The following THNSL1 variants were observed in gnomAD, a reference collection of about 807,000 sequenced individuals.
THNSL1 encodes threonine synthase-like 1.
A neutral mutation model predicts 50.4 loss-of-function variants in THNSL1; 48 were observed. The ratio of observed to expected loss-of-function variants is 0.95; its 90% confidence interval spans 0.76 to 1.21. The LOEUF (loss-of-function observed/expected upper bound fraction) is 1.21, where lower values mean the gene tolerates loss of function less well. Ranked by LOEUF, THNSL1 falls within the 50% of genes most tolerant of loss-of-function variation. The pLI is 0.00. For missense variants in THNSL1, 896 were observed against 871.7 expected, an observed-to-expected ratio of 1.03 and a Z score of -0.35; for synonymous variants, 309 against 306.1, an observed-to-expected ratio of 1.01 and a Z score of -0.10.
the THNSL1 span, among the ~76,000 whole-genome samples, chr10:24,958,650 G>C: frequency 1.2e-4 from 18 of 152,246 alleles, no homozygotes; most frequent in Non-Finnish European, 1.8e-4. Context: ...CTCCAGAGTA[G>C]GTCTTACAAA....
chr10:25,008,023 GAT>G, the THNSL1 span, among the ~76,000 whole-genome samples: 1 of 148,814 alleles, frequency 6.7e-6, no homozygotes, highest in Non-Finnish European at 1.5e-5. Context: ...AAATATATGA[GAT>G]ATATAAGCAT....
the THNSL1 span, among the ~76,000 whole-genome samples, chr10:24,986,949 C>G: frequency 2.0e-5 from 3 of 152,110 alleles, no homozygotes; most frequent in African/African-American, 7.2e-5. Context: ...AAAATTCAGA[C>G]AGGGAGAAGT....
chr10:24,972,517 A>T, the THNSL1 span, among the ~76,000 whole-genome samples: 43,015 of 148,924 alleles, frequency 0.29, 7,097 homozygotes, highest in East Asian at 0.48. Flanking sequence ...CAAAAAAAAA[A>T]AAATAAATAA....
chr10:24,984,827 T>A, the THNSL1 span: 2 of 1,613,874 alleles, frequency 1.2e-6, no homozygotes, highest in Non-Finnish European at 1.7e-6. Context: ...TGCTTGCGGA[T>A]CTTCTTTGGT....
upstream of THNSL1, chr10:25,015,853 C>T (rs371675405): frequency 3.5e-5 from 56 of 1,597,618 alleles, no homozygotes; most frequent in Non-Finnish European, 4.4e-5. Flanking sequence ...TTTGCTTATC[C>T]ACATACCTAG....
chr10:24,959,258 G>A, the THNSL1 span, among the ~76,000 whole-genome samples: 1 of 152,234 alleles, frequency 6.6e-6, no homozygotes, highest in South Asian at 2.1e-4. Context: ...GAATGGAGCT[G>A]TTTATTCTCT....
Position 25,024,838 on chromosome 10 carries a change from G to A in THNSL1, c.1615G>A (p.Val539Ile). 6.2e-7 allele frequency: 1 copy of A among 1,614,130 alleles called. No homozygotes were observed. Among genetic ancestry groups the A allele is most frequent in the Non-Finnish European group, 8.5e-7 (1 of 1,180,030 alleles). ...TATCTGTGCCTCTAATCAGAACCAT[G>A]TTTTGACTGATTTTATAAAAACAGG... ...KFICASNQNH[V>I]LTDFIKTGHY... is the part of the protein sequence containing the mutation. Residue 539 changes from valine to isoleucine, a missense_variant, in exon 3 of 3, where the codon GTT (valine) becomes ATT (isoleucine). Physicochemically the swap from Val to Ile is conservative, Grantham distance 29. Coordinates refer to ENST00000376356, the MANE Select transcript of THNSL1 (RefSeq NM_024838.5).
chr10:24,959,725 G>A, the THNSL1 span, among the ~76,000 whole-genome samples: 1 of 151,784 alleles, frequency 6.6e-6, no homozygotes. Flanking sequence ...TGTTTTATAA[G>A]TGTTTTAAAA....
the THNSL1 span, among the ~76,000 whole-genome samples, chr10:25,009,143 T>A: frequency 6.6e-6 from 1 of 152,050 alleles, no homozygotes; most frequent in African/African-American, 2.4e-5. Flanking sequence ...CATTAGGAGA[T>A]ATACCTAACG....
the THNSL1 span, among the ~76,000 whole-genome samples, chr10:24,960,923 C>T: frequency 6.6e-6 from 1 of 152,154 alleles, no homozygotes; most frequent in Non-Finnish European, 1.5e-5. Context: ...CATCTCTTAC[C>T]TACACTCCCT....
At chr10:24,984,250 T>G in the THNSL1 span, 1 of 1,124,994 alleles carries the variant, frequency 8.9e-7, no homozygotes, top group Non-Finnish European at 1.3e-6. Context: ...GGAAAATACA[T>G]CTTTTGCATT....
the THNSL1 span, among the ~76,000 whole-genome samples, chr10:24,973,541 G>A: frequency 3.3e-5 from 5 of 152,128 alleles, no homozygotes; most frequent in African/African-American, 1.2e-4. Flanking sequence ...TGCAGAAACT[G>A]AAACCACAGA....
At chr10:25,018,729 G>A (rs1454067514) in intron 1 of THNSL1, among the ~76,000 whole-genome samples, 1 of 146,052 alleles carries the variant, frequency 6.8e-6, no homozygotes, top group Non-Finnish European at 1.5e-5. Context: ...GTGTAGATGA[G>A]TATATAAGAC....
At position 25,023,191 on chromosome 10, in the gene THNSL1, T is replaced by A; in HGVS notation, c.-33T>A. 6.4e-7 allele frequency: 1 copy of A among 1,570,088 alleles called. No homozygotes were observed. Among genetic ancestry groups the A allele is most frequent in the Admixed American group, 1.9e-5 (1 of 51,862 alleles). On this transcript the variant is annotated 5_prime_UTR_variant, in exon 3 of 3. Transcript: ENST00000376356. ...TTTTGAAAAGGGCTAAAGCCAATTT[T>A]TAGGTTGGCTTGGGCAGAAAAGTGA...
Position 25,026,117 on chromosome 10 carries a change from G to T in THNSL1, c.*662G>T. ...TGATCTTGAACCTCTGACCTCAGGT[G>T]ATCCATCCACCTCGGCCTCCCAAAG... is the stretch of plus-strand genomic sequence containing the variant. On this transcript the variant is annotated 3_prime_UTR_variant, in exon 3 of 3. Transcript: ENST00000376356. 6.3e-6 allele frequency: 1 copy of T among 158,276 alleles called. No individual in the cohort carries two copies. The allele number at this position is 158,276 out of a possible 1,614,324, so 9.8% of individuals were successfully genotyped here.
chr10:25,002,252 T>C, the THNSL1 span, among the ~76,000 whole-genome samples: 1 of 152,240 alleles, frequency 6.6e-6, no homozygotes, highest in Admixed American at 6.5e-5. Flanking sequence ...TACTTGGCCT[T>C]GGTTGTTTCA....
At chr10:24,998,385 C>A in the THNSL1 span, among the ~76,000 whole-genome samples, 13 of 107,702 alleles carry the variant, frequency 1.2e-4, no homozygotes, top group Admixed American at 4.0e-4. Flanking sequence ...CTCTCTCTTT[C>A]TTTTTTTGAG....
At chr10:25,006,574 G>A in the THNSL1 span, among the ~76,000 whole-genome samples, 1 of 152,090 alleles carries the variant, frequency 6.6e-6, no homozygotes, top group Non-Finnish European at 1.5e-5. Flanking sequence ...ATTTCATGTA[G>A]GTCCTCATTT....
Position 25,025,593 on chromosome 10 carries a change from T to G in THNSL1, c.*138T>G. The G allele has an allele frequency of 1.8e-5, 15 of 837,134 alleles. No individual in the cohort carries two copies. Among genetic ancestry groups the G allele is most frequent in the Admixed American group, 5.9e-5 (2 of 33,916 alleles). The allele number at this position is 837,134 out of a possible 1,614,324, so 51.9% of individuals were successfully genotyped here. On this transcript the variant is annotated 3_prime_UTR_variant, in exon 3 of 3. Transcript: ENST00000376356. ...TTTGGAATTTCAAAAGTCTGATCTC[T>G]AGGGCTGACATGAGAACTCCATGTC... is the stretch of plus-strand genomic sequence containing the variant.
Sources: allele counts gnomAD v4.1 joint callset (sites outside exome capture counted in the v4.1 genomes callset), GRCh38; gene constraint gnomAD v4.1.1; transcripts MANE v1.5; gene names NCBI Gene and HGNC (gene_info 2026-07-23, HGNC 2026-07-21).